SLC4A10: variants seen among roughly 807,000 people sequenced by gnomAD.
SLC4A10 encodes the protein sodium-driven chloride bicarbonate exchanger.
In SLC4A10, 42 loss-of-function variants were observed where a neutral mutation model predicts 137.7. That is an observed-to-expected ratio of 0.30 (90% CI 0.24 to 0.39). The LOEUF is 0.39. Ranked by LOEUF, SLC4A10 falls within the 10% of genes least tolerant of loss-of-function variation. SLC4A10 has a pLI of 1.00. For synonymous variants in SLC4A10, 474 were observed against 464.1 expected (o/e 1.02, Z -0.27); for missense variants, 925 against 1,355.0 (o/e 0.68, Z 4.98).
chr2:161,753,500 T>C (rs1264121186), intron 1 of SLC4A10, among the ~76,000 whole-genome samples: 1 of 152,194 alleles, frequency 6.6e-6, no homozygotes, highest in Non-Finnish European at 1.5e-5. Flanking sequence ...ACTGGTTCTA[T>C]AACCTTGAGC....
At chr2:161,909,676 T>A (rs928221579) in intron 15 of SLC4A10, among the ~76,000 whole-genome samples, 6 of 152,106 alleles carry the variant, frequency 3.9e-5, no homozygotes, top group Admixed American at 2.0e-4. Flanking sequence ...TTCTATCACT[T>A]GCTCCTTGGA....
At chr2:161,943,876 A>C (rs1389481316) in intron 16 of SLC4A10, among the ~76,000 whole-genome samples, 1 of 151,958 alleles carries the variant, frequency 6.6e-6, no homozygotes, top group African/African-American at 2.4e-5. Context: ...TAAAACTCTA[A>C]ACATGATTCT....
intron 1 of SLC4A10, among the ~76,000 whole-genome samples, chr2:161,647,677 A>G (rs746169575): frequency 2.6e-5 from 4 of 152,226 alleles, no homozygotes; most frequent in Non-Finnish European, 4.4e-5. Flanking sequence ...TGAGCTAACC[A>G]TAAAAGTATT....
chr2:161,753,579 G>C (rs2049232774), intron 1 of SLC4A10, among the ~76,000 whole-genome samples: 1 of 152,120 alleles, frequency 6.6e-6, no homozygotes, highest in Non-Finnish European at 1.5e-5. Flanking sequence ...ATGGGGTTTA[G>C]TGAGATGGAA....
chr2:161,941,486 T>C (rs1692686132), intron 15 of SLC4A10, among the ~76,000 whole-genome samples: 2 of 152,194 alleles, frequency 1.3e-5, no homozygotes, highest in South Asian at 4.1e-4. Context: ...CTATTACATA[T>C]GTCCCATGTT....
chr2:161,949,411 A>G, intron 18 of SLC4A10, 150 bp downstream of exon 18: 1 of 412,742 alleles, frequency 2.4e-6, no homozygotes, highest in South Asian at 5.7e-5. Flanking sequence ...CATGGCTAAA[A>G]TTTAGGTCTA....
intron 10 of SLC4A10, among the ~76,000 whole-genome samples, chr2:161,886,823 G>T (rs1016907076): frequency 2.0e-5 from 3 of 151,910 alleles, no homozygotes; most frequent in Non-Finnish European, 4.4e-5. Flanking sequence ...TTAAGTTCTG[G>T]AATACATGTG....
chr2:161,684,277 T>A (rs1411243963), intron 1 of SLC4A10, among the ~76,000 whole-genome samples: 1 of 152,232 alleles, frequency 6.6e-6, no homozygotes, highest in Non-Finnish European at 1.5e-5. Flanking sequence ...ATTTTGTTTA[T>A]TCATTCATCT....
chr2:161,791,263 A>C (rs2054177423), intron 2 of SLC4A10, among the ~76,000 whole-genome samples: 1 of 152,250 alleles, frequency 6.6e-6, no homozygotes. Flanking sequence ...TTGCACATGT[A>C]TACCCTGAAA....
intron 1 of SLC4A10, among the ~76,000 whole-genome samples, chr2:161,719,198 C>T (rs923802924): frequency 1.3e-5 from 2 of 152,070 alleles, no homozygotes; most frequent in African/African-American, 4.8e-5. Flanking sequence ...ATGATGGTTT[C>T]CAGCTTCATC....
intron 15 of SLC4A10, among the ~76,000 whole-genome samples, chr2:161,938,061 C>A (rs1303280302): frequency 6.6e-6 from 1 of 152,016 alleles, no homozygotes; most frequent in African/African-American, 2.4e-5. Flanking sequence ...TTGCTTTAGG[C>A]CAGGAGTTAG....
intron 17 of SLC4A10, among the ~76,000 whole-genome samples, chr2:161,948,283 A>G (rs1460445808): frequency 6.6e-6 from 1 of 152,146 alleles, no homozygotes; most frequent in African/African-American, 2.4e-5. Flanking sequence ...AAAAAAGGAA[A>G]AGAAACAAGG....
At chr2:161,914,176 T>C (rs561217425) in intron 15 of SLC4A10, among the ~76,000 whole-genome samples, 1 of 152,318 alleles carries the variant, frequency 6.6e-6, no homozygotes, top group East Asian at 1.9e-4. Flanking sequence ...TGTGCAATCT[T>C]GATAATACAA....
At chr2:161,782,921 C>A (rs1480416950) in intron 2 of SLC4A10, among the ~76,000 whole-genome samples, 1 of 150,698 alleles carries the variant, frequency 6.6e-6, no homozygotes, top group Non-Finnish European at 1.5e-5. Context: ...AGGAAAGAAC[C>A]AGAAGATTTA....
chr2:161,769,199 T>C (rs2051265350), intron 1 of SLC4A10, among the ~76,000 whole-genome samples: 1 of 151,958 alleles, frequency 6.6e-6, no homozygotes, highest in Non-Finnish European at 1.5e-5. Context: ...ACATCTAGAA[T>C]CTCTGCTTAG....
intron 1 of SLC4A10, among the ~76,000 whole-genome samples, chr2:161,670,967 C>A (rs2039635777): frequency 6.6e-6 from 1 of 151,974 alleles, no homozygotes; most frequent in African/African-American, 2.4e-5. Context: ...AATGCAGGAC[C>A]CATTTTAATA....
chr2:161,920,522 G>A (rs1687941382), intron 15 of SLC4A10, among the ~76,000 whole-genome samples: 3 of 152,170 alleles, frequency 2.0e-5, no homozygotes, highest in Admixed American at 2.0e-4. Context: ...TCACCTTGTT[G>A]GTGAAGGAAA....
chr2:161,934,969 A>G (rs7594813), intron 15 of SLC4A10, among the ~76,000 whole-genome samples: 151,678 of 152,264 alleles, frequency 1, 75,549 homozygotes, highest in East Asian at 1. Context: ...TTGCTTTCCC[A>G]GTCTGTGATT....
At chr2:161,673,533 G>T (rs1462682451) in intron 1 of SLC4A10, among the ~76,000 whole-genome samples, 1 of 152,172 alleles carries the variant, frequency 6.6e-6, no homozygotes, top group East Asian at 1.9e-4. Flanking sequence ...TAGCAGTGAT[G>T]AATATGATCT....
Sources: allele counts gnomAD v4.1 joint callset (sites outside exome capture counted in the v4.1 genomes callset), GRCh38; gene constraint gnomAD v4.1.1; transcripts MANE v1.5; gene names NCBI Gene and HGNC (gene_info 2026-07-23, HGNC 2026-07-21).